Variants in ANKRD17 observed in about 807,000 individuals in gnomAD.
ANKRD17 encodes the protein ankyrin repeat domain 17.
Under a neutral mutation model 229.7 loss-of-function variants are expected in ANKRD17, and 19 were observed. The observed-to-expected ratio is 0.08, with a 90% CI of 0.06 to 0.12. The LOEUF (loss-of-function observed/expected upper bound fraction) is 0.12, where lower values mean the gene tolerates loss of function less well. Ranked by LOEUF, ANKRD17 falls within the 10% of genes least tolerant of loss-of-function variation. The pLI is 1.00. For missense variants in ANKRD17, 2,176 were observed against 3,176.8 expected (o/e 0.68, Z 7.57); for synonymous variants, 1,112 against 1,146.1 (o/e 0.97, Z 0.60).
At position 73,222,876 on chromosome 4, in the gene ANKRD17, C is replaced by A. The variant is rs1742043130; in HGVS notation, c.393+35400G>T. ...TGCTTTTATGCTCTGCTTCTCTTTGCTCTCTCCTCTAATCTATTCATCTGT... is the reference window on the plus strand; with the variant it reads ...TGCTTTTATGCTCTGCTTCTCTTTGATCTCTCCTCTAATCTATTCATCTGT... On this transcript the variant is annotated intron_variant, in intron 1 of 33. Coordinates refer to ENST00000358602, the MANE Select transcript of ANKRD17 (RefSeq NM_032217.5). 5 of 972,396 alleles carry A rather than the reference C, an allele frequency of 5.1e-6. No homozygotes were observed. The South Asian group carries it at 7.1e-5, about 14-fold the overall frequency. 60.2% of individuals were successfully genotyped at this position (972,396 alleles called of 1,614,324 possible).
At chr4:73,215,135 A>G (rs768065092) in intron 1 of ANKRD17, among the ~76,000 whole-genome samples, 14 of 152,200 alleles carry the variant, frequency 9.2e-5, no homozygotes, top group Non-Finnish European at 1.5e-4. Flanking sequence ...AAACAATTCA[A>G]ATGATTTGTC....
intron 1 of ANKRD17, among the ~76,000 whole-genome samples, chr4:73,200,196 T>A (rs1451477046): frequency 1.3e-5 from 2 of 152,238 alleles, no homozygotes; most frequent in Non-Finnish European, 2.9e-5. Context: ...ATTCAGTATT[T>A]AGTAAATAAA....
intron 1 of ANKRD17, among the ~76,000 whole-genome samples, chr4:73,189,403 G>GCTT (rs71935426): frequency 8.9e-6 from 1 of 112,702 alleles, no homozygotes; most frequent in South Asian, 2.8e-4. Context: ...TGCCTGGAAT[G>GCTT]TTTTTTTTTT....
rs62311861 is a variant in ANKRD17 at position 73,172,098 on chromosome 4, C to A, written c.547+5282G>T. ...GTTACAGAACACCAAGCAGATTTAA[C>A]CCAAAGAAGACTACCCCAAGGCACT... On this transcript the variant is annotated intron_variant, in intron 2 of 33. Coordinates refer to ENST00000358602, the MANE Select transcript of ANKRD17 (RefSeq NM_032217.5). Among the ~76,000 whole-genome samples the A allele has an allele frequency of 5.5e-3, 841 of 152,192 alleles. 8 individuals are homozygous for A. The highest frequency in any genetic ancestry group is 9.4e-3 in the Non-Finnish European group (640 of 67,990).
chr4:73,093,675 A>T (rs1723013793), intron 28 of ANKRD17, among the ~76,000 whole-genome samples: 2 of 152,120 alleles, frequency 1.3e-5, no homozygotes, highest in Non-Finnish European at 2.9e-5. Flanking sequence ...TGCCCAGCCC[A>T]AGAACTCAAA....
At chr4:73,240,065 A>G (rs1743874271) in intron 1 of ANKRD17, among the ~76,000 whole-genome samples, 1 of 152,188 alleles carries the variant, frequency 6.6e-6, no homozygotes, top group Non-Finnish European at 1.5e-5. Context: ...TTCAAAGAAC[A>G]TTGGAAAGAT....
chr4:73,098,558 T>C (rs1284499915), intron 25 of ANKRD17, 38 bp from the exon 26 acceptor site: 1 of 1,564,460 alleles, frequency 6.4e-7, no homozygotes, highest in Non-Finnish European at 8.7e-7. Flanking sequence ...AAGTTCTAAG[T>C]GTTCCCAGAA....
At chr4:73,235,828 A>G (rs895756201) in intron 1 of ANKRD17, among the ~76,000 whole-genome samples, 2 of 152,220 alleles carry the variant, frequency 1.3e-5, no homozygotes, top group Admixed American at 6.5e-5. Flanking sequence ...AAGAAAAAGA[A>G]GGAAGAAGGG....
At chr4:73,160,267 A>T (rs972922693) in intron 3 of ANKRD17, among the ~76,000 whole-genome samples, 1 of 146,414 alleles carries the variant, frequency 6.8e-6, no homozygotes, top group Non-Finnish European at 1.5e-5. Flanking sequence ...TGCCCAGGCT[A>T]AAGTGCAATG....
At chr4:73,110,001 A>G (rs1217399902) in intron 24 of ANKRD17, among the ~76,000 whole-genome samples, 1 of 141,530 alleles carries the variant, frequency 7.1e-6, no homozygotes, top group Non-Finnish European at 1.5e-5. Flanking sequence ...CTAGCTCCCT[A>G]AAAGTTTACC....
At chr4:73,244,906 T>C (rs1744354806) in intron 1 of ANKRD17, among the ~76,000 whole-genome samples, 1 of 152,172 alleles carries the variant, frequency 6.6e-6, no homozygotes, top group African/African-American at 2.4e-5. Flanking sequence ...ACTAAGTTTG[T>C]AGTTCTAAGA....
intron 1 of ANKRD17, among the ~76,000 whole-genome samples, chr4:73,189,887 C>A (rs903534854): frequency 1.3e-5 from 2 of 152,118 alleles, no homozygotes; most frequent in Non-Finnish European, 2.9e-5. Context: ...ATGCAATAAC[C>A]AAACAGGTAT....
At position 73,121,717 on chromosome 4, in the gene ANKRD17, T is replaced by G. The variant is rs758909512; in HGVS notation, c.3535A>C (p.Arg1179=). 5 of 1,612,508 alleles carry G rather than the reference T, an allele frequency of 3.1e-6. No individual in the cohort carries two copies. In the African/African-American group the frequency reaches 6.7e-5, roughly 22 times the overall value. ...LLARGANKEH[R]NVSDYTPLSL... ...AGAGGTGTGTAATCAGAAACATTCC[T>G]GTGCTCTTTATTTGCCCCTCGAGCT... Residue 1179 remains arginine (R), a synonymous_variant, in exon 19 of 34, where the codon AGG becomes CGG. Transcript: ENST00000358602.
At chr4:73,106,252 T>A (rs1724600909) in intron 24 of ANKRD17, among the ~76,000 whole-genome samples, 1 of 151,480 alleles carries the variant, frequency 6.6e-6, no homozygotes, top group Admixed American at 6.6e-5. Flanking sequence ...TCAAAAAAAA[T>A]AAATAAATAA....
Position 73,090,962 on chromosome 4 carries a change from C to T in ANKRD17, c.6666G>A (p.Ser2222=), listed in dbSNP as rs769427885. ...GACAAGCACTTTGTGTACTTAAGGT[C>T]GAAGGTAGCTGGACAGAAGAGGGAA... ...HSVPSSVQLP[S]TLSTQSACQN... is the part of the protein sequence containing the mutation. The change falls in exon 29 of 34, where the codon TCG becomes TCA. Residue 2222 remains serine (S), a synonymous_variant. Coordinates refer to ENST00000358602, the MANE Select transcript of ANKRD17 (RefSeq NM_032217.5). 1.1e-5 allele frequency: 18 copies of T among 1,614,120 alleles called. No individual in the cohort carries two copies. The East Asian group carries it at 2.5e-4, about 22-fold the overall frequency.
chr4:73,252,741 G>A (rs1046852463), intron 1 of ANKRD17, among the ~76,000 whole-genome samples: 3 of 151,906 alleles, frequency 2.0e-5, no homozygotes, highest in Non-Finnish European at 1.5e-5. Flanking sequence ...TGAAAGGCAA[G>A]GAATAAGTGG....
At chr4:73,250,283 T>C (rs949899141) in intron 1 of ANKRD17, among the ~76,000 whole-genome samples, 4 of 152,106 alleles carry the variant, frequency 2.6e-5, no homozygotes, top group Non-Finnish European at 5.9e-5. Flanking sequence ...TCAGCAAGCT[T>C]TGAGAAATTT....
chr4:73,137,192 T>C (rs1460206889), intron 15 of ANKRD17, among the ~76,000 whole-genome samples: 5 of 152,074 alleles, frequency 3.3e-5, no homozygotes. Context: ...CTGGTAAAAA[T>C]CTTTACATGT....
At chr4:73,223,072 A>G (rs1742073750) in intron 1 of ANKRD17, 1 of 1,533,608 alleles carries the variant, frequency 6.5e-7, no homozygotes. Context: ...TGATTAGATC[A>G]TTGCCAGCAG....
Sources: allele counts gnomAD v4.1 joint callset (sites outside exome capture counted in the v4.1 genomes callset), GRCh38; gene constraint gnomAD v4.1.1; transcripts MANE v1.5; gene names NCBI Gene and HGNC (gene_info 2026-07-23, HGNC 2026-07-21).